Variants in GLDC observed in about 807,000 individuals in gnomAD.
The protein encoded by GLDC is glycine dehydrogenase (decarboxylating), mitochondrial.
Under a neutral mutation model 121.3 loss-of-function variants are expected in GLDC, and 104 were observed. That is an observed-to-expected ratio of 0.86 (90% confidence interval 0.73 to 1.01). The LOEUF (loss-of-function observed/expected upper bound fraction) is 1.01. GLDC is among the 50% of genes least tolerant of loss of function. The pLI, the probability that GLDC is intolerant of heterozygous loss-of-function variation, is 0.00. For missense variants in GLDC, 1,429 were observed against 1,306.6 expected, an observed-to-expected ratio of 1.09 and a Z score of -1.44; for synonymous variants, 546 against 480.6, an observed-to-expected ratio of 1.14 and a Z score of -1.78.
At chr9:6,639,471 C>T (rs1819581193) in intron 2 of GLDC, 7 of 899,778 alleles carry the variant, frequency 7.8e-6, no homozygotes, top group South Asian at 2.6e-5. Context: ...CCAGATTAAA[C>T]AGGCTGTGAA....
chr9:6,542,868 G>A (rs572900821), intron 21 of GLDC, among the ~76,000 whole-genome samples: 75 of 134,984 alleles, frequency 5.6e-4, no homozygotes, highest in Middle Eastern at 4.5e-3. Context: ...CCTGGGTGAC[G>A]GAGTGAGACC....
intron 2 of GLDC, among the ~76,000 whole-genome samples, chr9:6,633,709 T>G (rs1019249123): frequency 6.6e-6 from 1 of 151,576 alleles, no homozygotes; most frequent in Non-Finnish European, 1.5e-5. Flanking sequence ...TCACCTGAGG[T>G]CAGGAGCTCG....
chr9:6,611,744 T>C (rs1057089958), intron 3 of GLDC, among the ~76,000 whole-genome samples: 2 of 152,248 alleles, frequency 1.3e-5, no homozygotes, highest in East Asian at 1.9e-4. Flanking sequence ...CATTATTCTC[T>C]GTCTTCCTGT....
At chr9:6,589,043 G>C (rs1818324222) in intron 12 of GLDC, 152 bp downstream of exon 12, 1 of 712,280 alleles carries the variant, frequency 1.4e-6, no homozygotes, top group Admixed American at 2.0e-5. Flanking sequence ...CCCAAGTCAG[G>C]AACGGGATCG....
chr9:6,631,883 A>G (rs1469749726), intron 2 of GLDC, among the ~76,000 whole-genome samples: 1 of 152,236 alleles, frequency 6.6e-6, no homozygotes, highest in Non-Finnish European at 1.5e-5. Flanking sequence ...CCTAGGCAAC[A>G]CAGCAAGACC....
chr9:6,573,095 C>A (rs1817996357), intron 15 of GLDC, among the ~76,000 whole-genome samples: 1 of 152,172 alleles, frequency 6.6e-6, no homozygotes, highest in Non-Finnish European at 1.5e-5. Flanking sequence ...CACAGGTGAA[C>A]TTAAAATTTT....
intron 15 of GLDC, among the ~76,000 whole-genome samples, chr9:6,570,913 A>T (rs1817952286): frequency 6.6e-6 from 1 of 151,896 alleles, no homozygotes; most frequent in Non-Finnish European, 1.5e-5. Flanking sequence ...ATTTTATTAC[A>T]TTTAAAATGA....
At chr9:6,583,049 G>C (rs755929754) in intron 15 of GLDC, among the ~76,000 whole-genome samples, 1 of 152,098 alleles carries the variant, frequency 6.6e-6, no homozygotes, top group Admixed American at 6.5e-5. Flanking sequence ...TATTACTTGA[G>C]GAAACAGAAA....
chr9:6,632,328 C>T (rs1369624179), intron 2 of GLDC, among the ~76,000 whole-genome samples: 3 of 152,162 alleles, frequency 2.0e-5, no homozygotes, highest in Admixed American at 6.5e-5. Context: ...CAGTGGAAAC[C>T]TGCAGCTATT....
chr9:6,635,314 CA>C (rs1277889015), intron 2 of GLDC, among the ~76,000 whole-genome samples: 38 of 152,116 alleles, frequency 2.5e-4, no homozygotes, highest in African/African-American at 8.9e-4. Context: ...GGAGATTTGG[CA>C]ATAGTACCTT....
intron 2 of GLDC, among the ~76,000 whole-genome samples, chr9:6,634,430 G>A (rs1176837339): frequency 6.6e-6 from 1 of 152,068 alleles, no homozygotes; most frequent in Non-Finnish European, 1.5e-5. Context: ...TAGGGAGGCT[G>A]AGGAGGGAGG....
At chr9:6,618,745 G>T (rs1819015721) in intron 3 of GLDC, among the ~76,000 whole-genome samples, 1 of 152,130 alleles carries the variant, frequency 6.6e-6, no homozygotes, top group African/African-American at 2.4e-5. Context: ...GTGGGCAGGA[G>T]ACACAGACAT....
At chr9:6,582,482 C>G (rs1475715204) in intron 15 of GLDC, among the ~76,000 whole-genome samples, 1 of 151,762 alleles carries the variant, frequency 6.6e-6, no homozygotes, top group Non-Finnish European at 1.5e-5. Flanking sequence ...GATGGCGCCA[C>G]TGCGCTCCAG....
In GLDC at chr9:6,588,695, A is replaced by C; in HGVS notation, c.1588T>G (p.Ser530Ala). 6.2e-7 allele frequency: 1 copy of C among 1,611,920 alleles called. No individual in the cohort carries two copies. Among genetic ancestry groups the C allele is most frequent in the South Asian group, 1.1e-5 (1 of 91,040 alleles). Residue 530 changes from serine to alanine, a missense_variant, in exon 13 of 25, where the codon TCT becomes GCT. By Grantham distance (99) the Ser-to-Ala change is moderately conservative. Transcript: ENST00000321612. ...ATGTACCGGACAATGTTTGTTTCAG[A>C]GTGGTAGCTGTGAACACAAAACACA... ...LTHQVFNSYHSETNIVRYMKK... is the reference protein window; with the variant it reads ...LTHQVFNSYHAETNIVRYMKK...
chr9:6,539,500 A>T (rs1817209130), intron 22 of GLDC, among the ~76,000 whole-genome samples: 1 of 152,142 alleles, frequency 6.6e-6, no homozygotes, highest in African/African-American at 2.4e-5. Context: ...AAAAAGTAAT[A>T]TGGTCTTAAT....
At chr9:6,592,729 G>T (rs1030329012) in intron 10 of GLDC, 122 bp downstream of exon 10, 2 of 886,594 alleles carry the variant, frequency 2.3e-6, no homozygotes, top group Non-Finnish European at 3.6e-6. Flanking sequence ...ACTTGTTTAT[G>T]AAAAAATAGG....
intron 24 of GLDC, 121 bp from the exon 25 acceptor site, chr9:6,533,281 A>G: frequency 1.1e-6 from 1 of 886,972 alleles, no homozygotes; most frequent in Non-Finnish European, 1.9e-6. Flanking sequence ...ATATTCTGAG[A>G]ACCTAAAATC....
chr9:6,535,185 T>C (rs977520650), intron 23 of GLDC, among the ~76,000 whole-genome samples: 1 of 152,174 alleles, frequency 6.6e-6, no homozygotes, highest in African/African-American at 2.4e-5. Flanking sequence ...ATAATTTGGC[T>C]CATTTTAAAA....
intron 3 of GLDC, among the ~76,000 whole-genome samples, chr9:6,615,227 G>T (rs1818944469): frequency 6.6e-6 from 1 of 152,054 alleles, no homozygotes; most frequent in Non-Finnish European, 1.5e-5. Flanking sequence ...AAGTTATTTT[G>T]AATTCATAAG....
Sources: gnomAD v4.1 joint callset for allele counts (sites outside exome capture counted in the v4.1 genomes callset) on GRCh38, gnomAD v4.1.1 for gene constraint, MANE v1.5 for transcripts, NCBI Gene and HGNC (gene_info 2026-07-23, HGNC 2026-07-21) for gene names.